SKA2: variants seen among roughly 807,000 people sequenced by gnomAD.
SKA2 encodes the protein spindle and kinetochore-associated protein 2.
In SKA2, 13 loss-of-function variants were observed where a neutral mutation model predicts 16.9. That is an observed-to-expected ratio of 0.77 (90% CI 0.50 to 1.22). The LOEUF (loss-of-function observed/expected upper bound fraction) is 1.22, where lower values mean the gene tolerates loss of function less well. SKA2 is among the 50% of genes most tolerant of loss of function. SKA2 has a pLI of 0.00. For missense variants in SKA2, 107 were observed against 139.7 expected (o/e 0.77, Z 1.18); for synonymous variants, 47 against 48.5 (o/e 0.97, Z 0.13).
chr17:59,131,408 CT>C (rs1485441212), intron 1 of SKA2, 41 bp from the exon 2 acceptor site: 1 of 1,306,444 alleles, frequency 7.7e-7, no homozygotes. Context: ...AACCAAAAGA[CT>C]AATAGTAAAC....
intron 2 of SKA2, among the ~76,000 whole-genome samples, chr17:59,130,507 G>C (rs2046405311): frequency 1.3e-5 from 2 of 150,398 alleles, no homozygotes; most frequent in African/African-American, 4.9e-5. Context: ...GCGCACGCCT[G>C]TAATCCCAGC....
intron 1 of SKA2, among the ~76,000 whole-genome samples, chr17:59,151,468 C>T (rs2046577139): frequency 6.6e-6 from 1 of 152,000 alleles, no homozygotes. Context: ...TAAATATGCC[C>T]TAAGCCTTAA....
intron 1 of SKA2, among the ~76,000 whole-genome samples, chr17:59,135,326 TTTTTTTTTTAGA>T (rs2046437466): frequency 9.0e-6 from 1 of 111,292 alleles, no homozygotes; most frequent in Non-Finnish European, 1.8e-5. Context: ...TTTTTTTTTT[TTTTTTTTTTAGA>T]AGGAGTCTCA....
At chr17:59,151,721 C>T (rs2046578961) in intron 1 of SKA2, 1 of 156,938 alleles carries the variant, frequency 6.4e-6, no homozygotes, top group Admixed American at 6.5e-5. Context: ...CTCAATCTAT[C>T]ACTCTGGAAT....
At chr17:59,113,515 A>G (rs1024854946) in intron 3 of SKA2, among the ~76,000 whole-genome samples, 1 of 151,040 alleles carries the variant, frequency 6.6e-6, no homozygotes, top group African/African-American at 2.4e-5. Context: ...TGACAGAGCA[A>G]GACTAAATCA....
intron 1 of SKA2, among the ~76,000 whole-genome samples, chr17:59,135,133 A>G (rs990244631): frequency 3.3e-5 from 5 of 151,608 alleles, no homozygotes; most frequent in African/African-American, 1.2e-4. Flanking sequence ...CCAGCCTGGC[A>G]TCTTTTTAAG....
Position 59,121,164 on chromosome 17 carries a change from A to G in SKA2, c.121-1669T>C, listed in dbSNP as rs925782330. On this transcript the variant is annotated intron_variant, in intron 2 of 3. Transcript: ENST00000330137. The stretch of plus-strand genomic sequence containing the variant: ...GAGACTCCGTCTCAAAAAAAAAAAA[A>G]AAAGAAAAAGGGTTAAAGGGTACAA... 2.0e-5 allele frequency among the ~76,000 whole-genome samples: 3 copies of G among 151,944 alleles called. No homozygotes were observed. In the East Asian group the frequency reaches 5.8e-4, roughly 29 times the overall value.
chr17:59,113,980 C>T (rs566280523), intron 3 of SKA2, among the ~76,000 whole-genome samples: 2 of 152,296 alleles, frequency 1.3e-5, no homozygotes, highest in African/African-American at 2.4e-5. Context: ...AGTGCCTTTA[C>T]CCTCAAGCTG....
chr17:59,131,337 T>C lies in SKA2; in HGVS notation c.64A>G (p.Ile22Val). 1 of 1,577,868 alleles carries C rather than the reference T, an allele frequency of 6.3e-7. No individual in the cohort carries two copies. The highest frequency in any genetic ancestry group is 1.3e-5 in the African/African-American group (1 of 74,530). The change falls in exon 2 of 4, where the codon ATT becomes GTT. Residue 22 changes from isoleucine (I) to valine (V), a missense_variant. Ile to Val is a conservative substitution (Grantham distance 29, BLOSUM62 3). Transcript: ENST00000330137. The stretch of plus-strand genomic sequence containing the variant: ...ATTTCATATTCCAGCCTGTATTGAA[T>C]GTAATCCAGATCAGACTCAGCTTTC... ...FQKAESDLDY[I>V]QYRLEYEIKT...
At chr17:59,116,110 C>T (rs2046294254) in intron 3 of SKA2, among the ~76,000 whole-genome samples, 1 of 152,128 alleles carries the variant, frequency 6.6e-6, no homozygotes, top group East Asian at 1.9e-4. Flanking sequence ...GAGGCTCACA[C>T]CTATAATCCC....
At chr17:59,154,571 C>T (rs982734460) in intron 1 of SKA2, among the ~76,000 whole-genome samples, 1 of 152,230 alleles carries the variant, frequency 6.6e-6, no homozygotes, top group Non-Finnish European at 1.5e-5. Flanking sequence ...CGGTTTGCCA[C>T]CTCCGGATCA....
chr17:59,116,286 T>C (rs1599657083), intron 3 of SKA2, among the ~76,000 whole-genome samples: 1 of 152,112 alleles, frequency 6.6e-6, no homozygotes, highest in Non-Finnish European at 1.5e-5. Flanking sequence ...GGCAGGAGAA[T>C]TGCTTGAATC....
At chr17:59,131,430 A>T in intron 1 of SKA2, 63 bp from the exon 2 acceptor site, 1 of 1,116,090 alleles carries the variant, frequency 9.0e-7, no homozygotes, top group Non-Finnish European at 1.2e-6. Flanking sequence ...ATGATACTTT[A>T]TTCTTTTTTT....
chr17:59,134,651 A>T (rs1256060185), intron 1 of SKA2, among the ~76,000 whole-genome samples: 3 of 151,804 alleles, frequency 2.0e-5, no homozygotes, highest in Non-Finnish European at 4.4e-5. Context: ...TCCGGGGTTC[A>T]AGCAATTCTC....
At chr17:59,143,881 G>A (rs1047216773) in intron 1 of SKA2, among the ~76,000 whole-genome samples, 7 of 152,106 alleles carry the variant, frequency 4.6e-5, no homozygotes, top group African/African-American at 1.4e-4. Flanking sequence ...TAGGAGTGTG[G>A]GCGCAGTGGC....
intron 3 of SKA2, among the ~76,000 whole-genome samples, chr17:59,118,594 T>C (rs2046312193): frequency 1.1e-5 from 1 of 87,474 alleles, no homozygotes; most frequent in Non-Finnish European, 2.4e-5. Context: ...TATACATACT[T>C]TTTTTTGCAT....
chr17:59,152,761 T>C (rs2046587218), intron 1 of SKA2, among the ~76,000 whole-genome samples: 1 of 152,052 alleles, frequency 6.6e-6, no homozygotes, highest in African/African-American at 2.4e-5. Flanking sequence ...GCACTGTCTT[T>C]TATTATCTAG....
chr17:59,140,888 G>A (rs940708649), intron 1 of SKA2, among the ~76,000 whole-genome samples: 1 of 151,156 alleles, frequency 6.6e-6, no homozygotes, highest in Non-Finnish European at 1.5e-5. Context: ...ATCCCAAAGT[G>A]CTGGGATTAC....
rs954766145 is a variant in SKA2 at position 59,110,890 on chromosome 17, A to C, written c.*1387T>G. 1.3e-5 allele frequency: 2 copies of C among 151,870 alleles called. No homozygotes were observed. Among genetic ancestry groups the C allele is most frequent in the Admixed American group, 6.6e-5 (1 of 15,236 alleles). The allele number at this position is 151,870 out of a possible 1,614,324, so 9.4% of individuals were successfully genotyped here. A position where few individuals can be genotyped will look rare whatever the true frequency, so the allele number is the denominator to read the frequency against. On this transcript the variant is annotated 3_prime_UTR_variant, in exon 4 of 4. Transcript: ENST00000330137. ...GTTCTCACAACCCTGTTTTTCAGCT[A>C]TTATAAGTTTGTTAATGGACAAACA...
Sources: allele counts gnomAD v4.1 joint callset (sites outside exome capture counted in the v4.1 genomes callset), GRCh38; gene constraint gnomAD v4.1.1; transcripts MANE v1.5; gene names NCBI Gene and HGNC (gene_info 2026-07-23, HGNC 2026-07-21).